Variants in GRIK4 observed in about 807,000 individuals in gnomAD.
The protein encoded by GRIK4 is glutamate ionotropic receptor kainate type subunit 4.
GRIK4 carries 40 observed loss-of-function variants against 104.9 expected under a neutral mutation model. The ratio of observed to expected loss-of-function variants is 0.38; its 90% confidence interval spans 0.30 to 0.50. The LOEUF is 0.50. GRIK4 is among the 20% of genes least tolerant of loss of function. The pLI, the probability that GRIK4 is intolerant of heterozygous loss-of-function variation, is 0.93. For missense variants in GRIK4, 1,047 were observed against 1,308.1 expected (o/e 0.80, Z 3.08); for synonymous variants, 485 against 524.9 (o/e 0.92, Z 1.04).
intron 2 of GRIK4, among the ~76,000 whole-genome samples, chr11:120,654,171 G>T (rs1302938686): frequency 6.6e-6 from 1 of 152,108 alleles, no homozygotes; most frequent in African/African-American, 2.4e-5. Context: ...CAAAGCAGGG[G>T]CCTGGGATTT....
At chr11:120,616,170 T>C (rs1050917163) in intron 1 of GRIK4, among the ~76,000 whole-genome samples, 1 of 151,736 alleles carries the variant, frequency 6.6e-6, no homozygotes, top group Non-Finnish European at 1.5e-5. Flanking sequence ...GGGAAGAACT[T>C]GGGAATTGGT....
chr11:120,543,295 G>T (rs1565544232), intron 1 of GRIK4, among the ~76,000 whole-genome samples: 1 of 152,106 alleles, frequency 6.6e-6, no homozygotes, highest in Non-Finnish European at 1.5e-5. Context: ...AAAAAAACTA[G>T]GCCTGGGTGT....
chr11:120,590,161 T>C (rs181999585), intron 1 of GRIK4, among the ~76,000 whole-genome samples: 1 of 152,290 alleles, frequency 6.6e-6, no homozygotes, highest in African/African-American at 2.4e-5. Context: ...AACCAGAGCC[T>C]TCACCTTACC....
At chr11:120,635,322 A>G (rs930789805) in intron 1 of GRIK4, among the ~76,000 whole-genome samples, 1 of 152,226 alleles carries the variant, frequency 6.6e-6, no homozygotes, top group Non-Finnish European at 1.5e-5. Context: ...GGCGTAGGTC[A>G]GAGTCCTGTG....
intron 3 of GRIK4, among the ~76,000 whole-genome samples, chr11:120,791,697 T>C (rs1034804657): frequency 1.3e-5 from 2 of 152,220 alleles, no homozygotes; most frequent in African/African-American, 4.8e-5. Flanking sequence ...GATTTTCTTC[T>C]AGTAGTTTTA....
intron 3 of GRIK4, among the ~76,000 whole-genome samples, chr11:120,687,454 G>A (rs1468826797): frequency 6.6e-6 from 1 of 151,702 alleles, no homozygotes; most frequent in Admixed American, 6.6e-5. Context: ...CATTTTTTTG[G>A]AATACATTTA....
At chr11:120,832,599 C>T (rs140733803) in intron 7 of GRIK4, among the ~76,000 whole-genome samples, 30 of 152,262 alleles carry the variant, frequency 2.0e-4, no homozygotes, top group Admixed American at 4.6e-4. Flanking sequence ...TGAACAGATG[C>T]GTCCAAGGCC....
intron 3 of GRIK4, among the ~76,000 whole-genome samples, chr11:120,672,007 A>C (rs548508264): frequency 2.4e-4 from 36 of 152,328 alleles, no homozygotes; most frequent in African/African-American, 7.9e-4. Context: ...CACCAGTACC[A>C]TGCTGTTTTG....
intron 7 of GRIK4, among the ~76,000 whole-genome samples, chr11:120,834,933 G>C (rs924128587): frequency 2.6e-5 from 4 of 152,220 alleles, no homozygotes; most frequent in African/African-American, 9.6e-5. Flanking sequence ...TCCGTGGGTC[G>C]CATCCGTCTA....
At chr11:120,944,105 C>G (rs1028471251) in intron 14 of GRIK4, among the ~76,000 whole-genome samples, 14 of 152,192 alleles carry the variant, frequency 9.2e-5, no homozygotes, top group Middle Eastern at 3.4e-3. Context: ...CTTTGGCATT[C>G]GTTACTGTTT....
At chr11:120,845,741 A>G (rs1428577701) in intron 8 of GRIK4, among the ~76,000 whole-genome samples, 1 of 152,210 alleles carries the variant, frequency 6.6e-6, no homozygotes, top group Non-Finnish European at 1.5e-5. Context: ...TTGATTCCAA[A>G]GTGTAGTTTA....
In GRIK4 at chr11:120,952,395, T is replaced by C. The variant is rs582718; in HGVS notation, c.1591-460T>C. Among the ~76,000 whole-genome samples the C allele has an allele frequency of 0.91, 137,902 of 152,250 alleles. 62,992 individuals carry two copies. Among genetic ancestry groups the C allele is most frequent in the East Asian group, 1 (5,182 of 5,188 alleles). On this transcript the variant is annotated intron_variant, in intron 14 of 20. Transcript: ENST00000527524. The surrounding 1 kb of genome is among the most constrained non-coding windows in gnomAD (Gnocchi z 5.2). ...AAGGTCTCACTGTGTGAGATCACCC[T>C]GCAAACAAAACCCAGAGACTCCGGT...
chr11:120,927,877 G>C (rs1353590719), intron 13 of GRIK4, among the ~76,000 whole-genome samples: 1 of 152,058 alleles, frequency 6.6e-6, no homozygotes, highest in Non-Finnish European at 1.5e-5. Flanking sequence ...GAGGTTAACA[G>C]GTATCAGCAG....
Position 120,982,174 on chromosome 11 carries a change from A to G in GRIK4, c.2464A>G (p.Met822Val), listed in dbSNP as rs779028465. Residue 822 changes from methionine (M) to valine (V), a missense_variant, in exon 20 of 21, where the codon ATG (methionine) becomes GTG (valine). Around this residue, in one of 3 missense-constraint regions of GRIK4, gnomAD observed 440 missense variants for 652.3 expected, o/e 0.67. Transcript: ENST00000527524. Reference sequence around the variant, plus strand: ...TTGTGGCTTAATCGTGGCCATTTTTATGGCTATGTTGGAGTTTTTATGGAC... The same window carrying G: ...TTGTGGCTTAATCGTGGCCATTTTTGTGGCTATGTTGGAGTTTTTATGGAC... ...LICGLIVAIF[M>V]AMLEFLWTLR... 3.7e-6 allele frequency: 6 copies of G among 1,613,226 alleles called. No homozygotes were observed. The Admixed American group carries it at 8.3e-5, about 22-fold the overall frequency.
rs554048355 is a variant in GRIK4, at chr11:120,731,708, G to A, written c.83-70985G>A. Among the ~76,000 whole-genome samples the A allele has an allele frequency of 2.6e-5, 4 of 151,934 alleles. No individual in the cohort carries two copies. The South Asian group carries it at 8.3e-4, about 32-fold the overall frequency. On this transcript the variant is annotated intron_variant, in intron 3 of 20. Transcript: ENST00000527524. The stretch of plus-strand genomic sequence containing the variant: ...TCAGGTCCCAGGATTTTCTTTACTG[G>A]GAGACTTGATTATGGTTTCGATCTC...
At chr11:120,593,613 C>G (rs1226547163) in intron 1 of GRIK4, among the ~76,000 whole-genome samples, 1 of 152,146 alleles carries the variant, frequency 6.6e-6, no homozygotes, top group African/African-American at 2.4e-5. Flanking sequence ...ACTGTATATT[C>G]TCTCTGAGTG....
At chr11:120,544,647 G>A (rs1247619573) in intron 1 of GRIK4, among the ~76,000 whole-genome samples, 1 of 152,114 alleles carries the variant, frequency 6.6e-6, no homozygotes, top group Non-Finnish European at 1.5e-5. Flanking sequence ...GGACATTTCA[G>A]CACAGCTGTT....
chr11:120,634,029 C>T lies in GRIK4; in HGVS notation c.-158-19656C>T, dbSNP rs188695392. The stretch of plus-strand genomic sequence containing the variant: ...ACGTAGGTTCAAATCCTGTTGTTTC[C>T]GCTTATGAGCAGTGTAACGTTAGAG... On this transcript the variant is annotated intron_variant, in intron 1 of 20. Coordinates refer to ENST00000527524, the MANE Select transcript of GRIK4 (RefSeq NM_014619.5). Among the ~76,000 whole-genome samples the T allele has an allele frequency of 5.8e-4, 88 of 152,244 alleles. 1 individual carries two copies. Among genetic ancestry groups the T allele is most frequent in the Admixed American group, 5.7e-3 (87 of 15,290 alleles).
intron 1 of GRIK4, among the ~76,000 whole-genome samples, chr11:120,531,030 C>T (rs1479690678): frequency 6.6e-6 from 1 of 152,194 alleles, no homozygotes; most frequent in African/African-American, 2.4e-5. Flanking sequence ...ATGAGTCCTT[C>T]CTGGTTCCCA....
Sources: gnomAD v4.1 joint callset for allele counts (sites outside exome capture counted in the v4.1 genomes callset) on GRCh38, gnomAD v4.1.1 for gene constraint, gnomAD v4.1.1 regional missense constraint, Gnocchi (gnomAD v3.1) non-coding constraint, MANE v1.5 for transcripts, NCBI Gene and HGNC (gene_info 2026-07-23, HGNC 2026-07-21) for gene names.